The following SLCO3A1 variants were observed in gnomAD, a reference collection of about 807,000 sequenced individuals.
The protein encoded by SLCO3A1 is solute carrier organic anion transporter family member 3A1.
Under a neutral mutation model 63.1 loss-of-function variants are expected in SLCO3A1, and 27 were observed. That is an observed-to-expected ratio of 0.43 (90% CI 0.32 to 0.59). The LOEUF (loss-of-function observed/expected upper bound fraction) is 0.59, where lower values mean the gene tolerates loss of function less well. SLCO3A1 is among the 20% of genes least tolerant of loss of function. SLCO3A1 has a pLI of 0.09. For missense variants in SLCO3A1, 773 were observed against 945.8 expected, an observed-to-expected ratio of 0.82 and a Z score of 2.40; for synonymous variants, 473 against 409.9, an observed-to-expected ratio of 1.15 and a Z score of -1.86.
intron 2 of SLCO3A1, among the ~76,000 whole-genome samples, chr15:92,055,520 T>TG (rs1308524334): frequency 6.6e-6 from 1 of 152,178 alleles, no homozygotes; most frequent in Admixed American, 6.5e-5. Context: ...TTCCTCTTAA[T>TG]GCAGAACTTC....
At chr15:91,928,832 A>G (rs1432887769) in intron 2 of SLCO3A1, among the ~76,000 whole-genome samples, 3 of 152,182 alleles carry the variant, frequency 2.0e-5, no homozygotes, top group East Asian at 1.9e-4. Flanking sequence ...AGAGAAGCTC[A>G]CTCACCAGAC....
At position 92,047,823 on chromosome 15, in the gene SLCO3A1, C is replaced by A. The variant is rs182356696; in HGVS notation, c.647-47058C>A. On this transcript the variant is annotated intron_variant, in intron 2 of 9. Transcript: ENST00000318445. ...TTATGGGCTTGAGCCTCTTCCTGCT[C>A]AGCCTCAGGTCCTCCCACCACCAGC... Among the ~76,000 whole-genome samples, 346 of 150,752 alleles carry A rather than the reference C, an allele frequency of 2.3e-3. 2 individuals carry two copies. Among genetic ancestry groups the A allele is most frequent in the Non-Finnish European group, 2.0e-3 (138 of 67,874 alleles).
intron 1 of SLCO3A1, among the ~76,000 whole-genome samples, chr15:91,898,718 G>A (rs1030683464): frequency 6.6e-6 from 1 of 152,040 alleles, no homozygotes; most frequent in Non-Finnish European, 1.5e-5. Context: ...TTACTTCTGG[G>A]TGGGGGAGGG....
chr15:91,977,825 A>C (rs1567048082), intron 2 of SLCO3A1, among the ~76,000 whole-genome samples: 6 of 152,200 alleles, frequency 3.9e-5, no homozygotes. Flanking sequence ...TTTGCAAGCA[A>C]ACCTTATTAG....
At chr15:92,048,864 C>T (rs1196781867) in intron 2 of SLCO3A1, among the ~76,000 whole-genome samples, 2 of 152,222 alleles carry the variant, frequency 1.3e-5, no homozygotes, top group Non-Finnish European at 2.9e-5. Flanking sequence ...CGCCATTGCA[C>T]CACTGCTTTA....
chr15:92,111,114 C>T (rs1307678553), intron 4 of SLCO3A1, among the ~76,000 whole-genome samples: 1 of 152,190 alleles, frequency 6.6e-6, no homozygotes, highest in African/African-American at 2.4e-5. Context: ...CACCACTGTG[C>T]TTCCCACAGT....
Position 92,054,615 on chromosome 15 carries a change from C to G in SLCO3A1, c.647-40266C>G, listed in dbSNP as rs544801045. Among the ~76,000 whole-genome samples the G allele has an allele frequency of 7.2e-4, 109 of 152,010 alleles. 1 individual carries two copies. Among genetic ancestry groups the G allele is most frequent in the African/African-American group, 2.6e-3 (108 of 41,438 alleles). On this transcript the variant is annotated intron_variant, in intron 2 of 9. Transcript: ENST00000318445. Reference sequence around the variant, plus strand: ...GATGCTCTCCCTCCACCCACCCCCGCCCACAGGCCCCAGGGTGTGTTGTTC... The same window carrying G: ...GATGCTCTCCCTCCACCCACCCCCGGCCACAGGCCCCAGGGTGTGTTGTTC...
intron 2 of SLCO3A1, among the ~76,000 whole-genome samples, chr15:91,990,487 C>T (rs77076237): frequency 0.012 from 1,871 of 152,176 alleles, 43 homozygotes; most frequent in African/African-American, 0.042. Flanking sequence ...CATTTCATCT[C>T]TCTTCCTCTT....
At chr15:92,012,373 C>G (rs183767799) in intron 2 of SLCO3A1, among the ~76,000 whole-genome samples, 1 of 152,290 alleles carries the variant, frequency 6.6e-6, no homozygotes, top group East Asian at 1.9e-4. Context: ...TGAAGGTTTT[C>G]AAGGTCCCTT....
At chr15:91,893,702 G>A (rs111281920) in intron 1 of SLCO3A1, among the ~76,000 whole-genome samples, 20 of 152,174 alleles carry the variant, frequency 1.3e-4, no homozygotes, top group African/African-American at 4.3e-4. Flanking sequence ...TCAAACATCC[G>A]TGGGTGGTTA....
At chr15:91,999,377 A>G (rs2046227233) in intron 2 of SLCO3A1, among the ~76,000 whole-genome samples, 1 of 152,248 alleles carries the variant, frequency 6.6e-6, no homozygotes, top group Non-Finnish European at 1.5e-5. Flanking sequence ...AATATTCAGA[A>G]TATTTAAGAA....
intron 1 of SLCO3A1, among the ~76,000 whole-genome samples, chr15:91,903,360 T>C (rs1898208474): frequency 6.6e-6 from 1 of 152,254 alleles, no homozygotes; most frequent in Non-Finnish European, 1.5e-5. Flanking sequence ...ATGAGGTCTG[T>C]ACACTTGCAT....
At chr15:91,855,571 G>A (rs1441381627) in intron 1 of SLCO3A1, among the ~76,000 whole-genome samples, 2 of 152,176 alleles carry the variant, frequency 1.3e-5, no homozygotes, top group African/African-American at 4.8e-5. Context: ...TACACTTATT[G>A]TGTCTATAGT....
In SLCO3A1 at chr15:92,104,535, G is replaced by T. The variant is rs756034967; in HGVS notation, c.1002G>T (p.Gln334His). The change falls in exon 4 of 10, where the codon CAG (glutamine) becomes CAT (histidine). Residue 334 changes from glutamine (Q) to histidine (H), a missense_variant. Gln to His is a conservative substitution (Grantham distance 24, BLOSUM62 0). Transcript: ENST00000318445. Reference protein sequence around the residue: ...EPDSSASCFQQLRVIPKVTKH... With the variant: ...EPDSSASCFQHLRVIPKVTKH... ...ACAGCAGTGCCTCCTGTTTCCAGCA[G>T]CTGAGAGGTAAAGGTGGCCTCATCT... 3 of 1,613,068 alleles carry T rather than the reference G, an allele frequency of 1.9e-6. No homozygotes were observed. The highest frequency in any genetic ancestry group is 2.5e-6 in the Non-Finnish European group (3 of 1,179,920).
rs149101040 is a variant in SLCO3A1 at position 92,125,516 on chromosome 15, G to A, written c.1175-545G>A. Among the ~76,000 whole-genome samples, 139 of 152,144 alleles carry A rather than the reference G, an allele frequency of 9.1e-4. 1 individual carries two copies. The highest frequency in any genetic ancestry group is 2.9e-3 in the African/African-American group (122 of 41,504). On this transcript the variant is annotated intron_variant, in intron 5 of 9. Coordinates refer to ENST00000318445, the MANE Select transcript of SLCO3A1 (RefSeq NM_013272.4). The stretch of plus-strand genomic sequence containing the variant: ...TTGATGCCACTTCCTGAGGGGTGGC[G>A]GAGCTGGTTCAAACACTCTCTCTAT...
intron 6 of SLCO3A1, 37 bp from the exon 7 acceptor site, chr15:92,128,313 CT>C (rs763371870): frequency 6.2e-7 from 1 of 1,612,950 alleles, no homozygotes; most frequent in Admixed American, 1.7e-5. Flanking sequence ...CCGAATTGAC[CT>C]GTTTCTAATG....
At chr15:92,125,074 G>C (rs2047905114) in intron 5 of SLCO3A1, among the ~76,000 whole-genome samples, 1 of 152,182 alleles carries the variant, frequency 6.6e-6, no homozygotes, top group Non-Finnish European at 1.5e-5. Context: ...TATGACTTGT[G>C]CTGTTTTCTT....
rs140918845 is a variant in SLCO3A1 at position 92,067,915 on chromosome 15, C to T, written c.647-26966C>T. ...CAGCTTCTTGATTCATAGACGGCCACCTTCTTACTGTGTCCTCTTCTGCGG... is the reference window on the plus strand; with the variant it reads ...CAGCTTCTTGATTCATAGACGGCCATCTTCTTACTGTGTCCTCTTCTGCGG... On this transcript the variant is annotated intron_variant, in intron 2 of 9. Coordinates refer to ENST00000318445, the MANE Select transcript of SLCO3A1 (RefSeq NM_013272.4). Among the ~76,000 whole-genome samples, 257 of 152,290 alleles carry T rather than the reference C, an allele frequency of 1.7e-3. 1 individual carries two copies. The highest frequency in any genetic ancestry group is 5.7e-3 in the African/African-American group (239 of 41,574).
intron 2 of SLCO3A1, among the ~76,000 whole-genome samples, chr15:92,050,287 G>A (rs577054418): frequency 1.6e-4 from 24 of 152,320 alleles, no homozygotes; most frequent in African/African-American, 4.6e-4. Context: ...TTGAGGAGTC[G>A]CCAGCCACAG....
Sources: gnomAD v4.1 joint callset for allele counts (sites outside exome capture counted in the v4.1 genomes callset) on GRCh38, gnomAD v4.1.1 for gene constraint, MANE v1.5 for transcripts, NCBI Gene and HGNC (gene_info 2026-07-23, HGNC 2026-07-21) for gene names.